SIPA1L2: variants seen among roughly 807,000 people sequenced by gnomAD.
SIPA1L2 encodes the protein signal induced proliferation associated 1 like 2.
Under a neutral mutation model 163.9 loss-of-function variants are expected in SIPA1L2, and 56 were observed. The observed-to-expected ratio is 0.34, with a 90% CI of 0.28 to 0.43. SIPA1L2 has a LOEUF of 0.43. Among genes scored for constraint, SIPA1L2 ranks in the 20% least tolerant of loss-of-function variants. The pLI is 1.00. For missense variants in SIPA1L2, 1,974 were observed against 2,193.5 expected (o/e 0.90, Z 2.00); for synonymous variants, 877 against 865.7 (o/e 1.01, Z -0.23).
chr1:232,561,356 GA>G (rs1259244735), intron 2 of SIPA1L2: 1 of 152,196 alleles, frequency 6.6e-6, no homozygotes, highest in Non-Finnish European at 1.5e-5. Flanking sequence ...TTGACCAGAA[GA>G]CTACATTTTG....
chr1:232,427,393 A>T (rs551991273), intron 17 of SIPA1L2, among the ~76,000 whole-genome samples: 1 of 152,372 alleles, frequency 6.6e-6, no homozygotes, highest in African/African-American at 2.4e-5. Context: ...GAATTGTTTT[A>T]CTATAGGGAA....
Position 232,612,027 on chromosome 1 carries a change from G to A in SIPA1L2, c.-319+17842C>T, listed in dbSNP as rs572119224. On this transcript the variant is annotated intron_variant, in intron 1 of 22. Transcript: ENST00000674635. Reference sequence around the variant, plus strand: ...GCCCTGTGTCCCTGTCACTCCAGCCGTGACTGAAAGGGGTCAGCGTTGAGC... The same window carrying A: ...GCCCTGTGTCCCTGTCACTCCAGCCATGACTGAAAGGGGTCAGCGTTGAGC... 2.0e-4 allele frequency among the ~76,000 whole-genome samples: 31 copies of A among 152,322 alleles called. No homozygotes were observed. In the South Asian group the frequency reaches 4.1e-3, roughly 20 times the overall value.
At chr1:232,511,554 A>G (rs900798305) in intron 3 of SIPA1L2, among the ~76,000 whole-genome samples, 2 of 152,184 alleles carry the variant, frequency 1.3e-5, no homozygotes, top group African/African-American at 4.8e-5. Context: ...TGGCAGACAA[A>G]TTCTTTTAAG....
At chr1:232,452,673 A>G (rs1558188719) in intron 10 of SIPA1L2, among the ~76,000 whole-genome samples, 1 of 152,204 alleles carries the variant, frequency 6.6e-6, no homozygotes, top group Non-Finnish European at 1.5e-5. Context: ...CGTCAAGACC[A>G]TCACTGTTTG....
At chr1:232,559,387 C>T (rs1658904249) in intron 2 of SIPA1L2, among the ~76,000 whole-genome samples, 1 of 152,202 alleles carries the variant, frequency 6.6e-6, no homozygotes, top group African/African-American at 2.4e-5. Flanking sequence ...TTAGACTCTG[C>T]AGTCACAAGC....
chr1:232,507,172 T>C (rs1666767144), intron 3 of SIPA1L2, among the ~76,000 whole-genome samples: 1 of 115,794 alleles, frequency 8.6e-6, no homozygotes, highest in African/African-American at 2.7e-5. Context: ...TCTTACGGTC[T>C]GTGATTTTTT....
intron 10 of SIPA1L2, among the ~76,000 whole-genome samples, chr1:232,453,839 A>G (rs577064996): frequency 4.6e-5 from 7 of 152,144 alleles, no homozygotes; most frequent in Non-Finnish European, 7.4e-5. Flanking sequence ...AATCTTTGGA[A>G]ACAAAAGCCG....
intron 1 of SIPA1L2, among the ~76,000 whole-genome samples, chr1:232,629,051 A>AT (rs1204524403): frequency 1.3e-5 from 2 of 152,110 alleles, no homozygotes; most frequent in East Asian, 1.9e-4. Context: ...AATGCACTTG[A>AT]TTTTTTCCAA....
chr1:232,452,151 G>C (rs912944651), intron 10 of SIPA1L2, among the ~76,000 whole-genome samples: 6 of 151,740 alleles, frequency 4.0e-5, no homozygotes, highest in African/African-American at 1.5e-4. Flanking sequence ...TGGACTTCCT[G>C]GGATGGCTTA....
intron 2 of SIPA1L2, among the ~76,000 whole-genome samples, chr1:232,524,384 G>T (rs1667595662): frequency 1.3e-5 from 2 of 152,186 alleles, no homozygotes; most frequent in Admixed American, 1.3e-4. Flanking sequence ...CACTCCCCAT[G>T]CCGGTGAGGG....
intron 15 of SIPA1L2, among the ~76,000 whole-genome samples, chr1:232,438,680 G>A (rs559849762): frequency 6.6e-5 from 10 of 152,362 alleles, no homozygotes; most frequent in Admixed American, 6.5e-4. Flanking sequence ...GAACAGGGAG[G>A]AAGTGTGTGC....
rs146905698 is a variant in SIPA1L2 at position 232,531,663 on chromosome 1, T to C, written c.-269-16055A>G. ...AACATCTTTTGGTTCTTCTTAGTAG[T>C]TGTGGTTGGTAATGTGGATAGGTAG... is the stretch of plus-strand genomic sequence containing the variant. On this transcript the variant is annotated intron_variant, in intron 2 of 22. Coordinates refer to ENST00000674635, the MANE Select transcript of SIPA1L2 (RefSeq NM_020808.5). Among the ~76,000 whole-genome samples, 745 of 152,214 alleles carry C rather than the reference T, an allele frequency of 4.9e-3. 10 individuals are homozygous for C. The highest frequency in any genetic ancestry group is 0.017 in the African/African-American group (720 of 41,544).
chr1:232,489,387 T>G (rs746442087), intron 5 of SIPA1L2, among the ~76,000 whole-genome samples: 7 of 152,234 alleles, frequency 4.6e-5, no homozygotes, highest in Non-Finnish European at 1.0e-4. Context: ...TGTTCATATA[T>G]ATGTTTCATG....
chr1:232,419,953 CTA>C (rs1287608341), intron 18 of SIPA1L2, among the ~76,000 whole-genome samples: 8 of 152,184 alleles, frequency 5.3e-5, no homozygotes, highest in South Asian at 2.1e-4. Flanking sequence ...GACACAAGTT[CTA>C]TCCTTCAAAG....
At chr1:232,596,122 G>T (rs752633604) in intron 1 of SIPA1L2, among the ~76,000 whole-genome samples, 3 of 152,166 alleles carry the variant, frequency 2.0e-5, no homozygotes, top group Non-Finnish European at 4.4e-5. Context: ...AGAGGAGAAA[G>T]AAAAGAAGGT....
At chr1:232,432,679 A>G (rs1662321636) in intron 15 of SIPA1L2, among the ~76,000 whole-genome samples, 1 of 152,224 alleles carries the variant, frequency 6.6e-6, no homozygotes, top group African/African-American at 2.4e-5. Context: ...TGCAAGTTGT[A>G]TGCCTGTGGC....
rs751133116 is a variant in SIPA1L2, at chr1:232,490,990, G to A, written c.1690C>T (p.Leu564=). 1.2e-6 allele frequency: 2 copies of A among 1,614,150 alleles called. No homozygotes were observed. The highest frequency in any genetic ancestry group is 1.7e-6 in the Non-Finnish European group (2 of 1,179,998). The change falls in exon 5 of 23, where the codon CTA becomes TTA. Residue 564 remains leucine (L), a synonymous_variant. Coordinates refer to ENST00000674635, the MANE Select transcript of SIPA1L2 (RefSeq NM_020808.5). ...STARHGTARG[L]PLKEVLEYVI... ...TATTCCAAAACTTCTTTGAGAGGTA[G>A]TCCTCGTGCGGTACCATGCCTAGCA...
chr1:232,551,988 C>T (rs892394135), intron 2 of SIPA1L2, among the ~76,000 whole-genome samples: 3 of 152,052 alleles, frequency 2.0e-5, no homozygotes, highest in Non-Finnish European at 2.9e-5. Flanking sequence ...TACAGGCGCC[C>T]GCCCCCACGC....
In SIPA1L2 at chr1:232,425,669, A is replaced by G; in HGVS notation, c.4550T>C (p.Ile1517Thr). Residue 1517 changes from isoleucine (I) to threonine (T), a missense_variant, in exon 18 of 23, where the codon ATT becomes ACT. Transcript: ENST00000674635. ...GTAGGGTGGGGTGGTGCTGAACAGA[A>G]TGTCGTTGGGCAGGGCCTGGTCAAG... is the stretch of plus-strand genomic sequence containing the variant. ...SVLDQALPND[I>T]LFSTTPPYHS... The G allele has an allele frequency of 6.2e-7, 1 of 1,613,658 alleles. No homozygotes were observed. The highest frequency in any genetic ancestry group is 8.5e-7 in the Non-Finnish European group (1 of 1,179,936).
Sources: gnomAD v4.1 joint callset for allele counts (sites outside exome capture counted in the v4.1 genomes callset) on GRCh38, gnomAD v4.1.1 for gene constraint, MANE v1.5 for transcripts, NCBI Gene and HGNC (gene_info 2026-07-23, HGNC 2026-07-21) for gene names.